Variants in TSBP1 observed in about 807,000 individuals in gnomAD.
TSBP1 encodes testis expressed basic protein 1.
In TSBP1, 56 loss-of-function variants were observed where a neutral mutation model predicts 68.8. The ratio of observed to expected loss-of-function variants is 0.81; its 90% CI spans 0.66 to 1.02. The LOEUF (loss-of-function observed/expected upper bound fraction) is 1.02, where lower values mean the gene tolerates loss of function less well. Among genes scored for constraint, TSBP1 ranks in the 50% least tolerant of loss-of-function variants. The pLI, the probability that TSBP1 is intolerant of heterozygous loss-of-function variation, is 0.00. For synonymous variants in TSBP1, 171 were observed against 208.7 expected, an observed-to-expected ratio of 0.82 and a Z score of 1.56; for missense variants, 502 against 641.2, an observed-to-expected ratio of 0.78 and a Z score of 2.34.
At position 32,337,079 on chromosome 6, in the gene TSBP1, A is replaced by T. The variant is rs1272058941; in HGVS notation, c.410-444T>A. On this transcript the variant is annotated intron_variant, in intron 11 of 22. Transcript: ENST00000612031. This position sits in a 1 kb window ranked among gnomAD's most constrained non-coding sequence, Gnocchi z 5.5. ...TATATCCTACAGAAGGCCAAAGAAC[A>T]TTAGAGGAAACAGAAAAGGAACTCA... Among the ~76,000 whole-genome samples, 1 of 152,164 alleles carries T rather than the reference A, an allele frequency of 6.6e-6. No homozygotes were observed. The highest frequency in any genetic ancestry group is 1.9e-4 in the East Asian group (1 of 5,194).
intron 19 of TSBP1, among the ~76,000 whole-genome samples, chr6:32,303,491 C>G (rs574021129): frequency 6.3e-5 from 9 of 142,780 alleles, no homozygotes; most frequent in African/African-American, 2.3e-4. Context: ...GCCACATCTG[C>G]CTTTTTTTTT....
rs1318619596 is a variant in TSBP1, at chr6:32,360,193, AC to A, written c.218-4525del. 7.9e-5 allele frequency among the ~76,000 whole-genome samples: 12 copies of A among 151,570 alleles called. No individual in the cohort carries two copies. In the East Asian group the frequency reaches 2.3e-3, roughly 29 times the overall value. The stretch of plus-strand genomic sequence containing the variant: ...TGGCCAACTTCTGCCCATTTCTTCC[AC>A]CCCCTAACTTCTGGTAATCACCTTT... On this transcript the variant is annotated intron_variant, in intron 6 of 22. Coordinates refer to ENST00000612031, the Ensembl canonical transcript of TSBP1.
chr6:32,310,761 A>ATATTTTTTT, intron 19 of TSBP1, among the ~76,000 whole-genome samples: 3 of 144,806 alleles, frequency 2.1e-5, no homozygotes, highest in Non-Finnish European at 3.0e-5. Flanking sequence ...ATATATATAT[A>ATATTTTTTT]TTTTTAATCT....
chr6:32,365,060 AT>A lies in TSBP1; in HGVS notation c.217+1106del, dbSNP rs140033884. On this transcript the variant is annotated intron_variant, in intron 6 of 22. Coordinates refer to ENST00000612031, the Ensembl canonical transcript of TSBP1. The surrounding 1 kb of genome is among the most constrained non-coding windows in gnomAD (Gnocchi z 4.3). ...AGGTGTGCACCGCCACATCCAACTG[AT>A]TTTTTTTTTTTTTAGAGACGGAGTC... Among the ~76,000 whole-genome samples, 37 of 145,454 alleles carry A rather than the reference AT, an allele frequency of 2.5e-4. No homozygotes were observed. Among genetic ancestry groups the A allele is most frequent in the Non-Finnish European group, 2.9e-4 (19 of 66,488 alleles).
Position 32,325,721 on chromosome 6 carries a change from A to G in TSBP1, c.515-2107T>C. The G allele has an allele frequency of 9.5e-7, 1 of 1,056,880 alleles. No individual in the cohort carries two copies. Among genetic ancestry groups the G allele is most frequent in the East Asian group, 2.4e-5 (1 of 42,384 alleles). The allele number at this position is 1,056,880 out of a possible 1,614,324, so 65.5% of individuals were successfully genotyped here. ...TAAGACTGTCATTCAGAAATACCAC[A>G]GTGTGAATGGCCACAACTGTGAAGT... On this transcript the variant is annotated intron_variant, in intron 16 of 22. Transcript: ENST00000612031. This position sits in a 1 kb window ranked among gnomAD's most constrained non-coding sequence, Gnocchi z 4.4.
intron 7 of TSBP1, 74 bp downstream of exon 7, chr6:32,355,575 C>T: frequency 1.9e-6 from 3 of 1,559,192 alleles, no homozygotes; most frequent in Non-Finnish European, 2.6e-6. Flanking sequence ...TCTCTTTCCT[C>T]CAAAGCATTT....
At chr6:32,366,973 G>A (rs1773814393) in intron 4 of TSBP1, among the ~76,000 whole-genome samples, 1 of 152,042 alleles carries the variant, frequency 6.6e-6, no homozygotes, top group Non-Finnish European at 1.5e-5. Flanking sequence ...GTCCAAGTGT[G>A]GGGCATGGAC....
intron 7 of TSBP1, 29 bp downstream of exon 7, chr6:32,355,620 T>C (rs1006745215): frequency 1.9e-6 from 3 of 1,590,768 alleles, no homozygotes; most frequent in Non-Finnish European, 2.6e-6. Flanking sequence ...AGGAAGCAAA[T>C]TTTTGTTAAG....
chr6:32,312,354 G>A (rs562466022), intron 19 of TSBP1, among the ~76,000 whole-genome samples: 1 of 152,260 alleles, frequency 6.6e-6, no homozygotes, highest in Non-Finnish European at 1.5e-5. Context: ...GAGTGGACAG[G>A]AAGGGGAAGC....
rs1424883721 is a variant in TSBP1 at position 32,357,995 on chromosome 6, C to A, written c.218-2326G>T. ...AAGGAACACCTTTTCCTAATATGCA[C>A]CAAAGCAACCTGTAGGCTACTGGAG... is the stretch of plus-strand genomic sequence containing the variant. On this transcript the variant is annotated intron_variant, in intron 6 of 22. Coordinates refer to ENST00000612031, the Ensembl canonical transcript of TSBP1. This position sits in a 1 kb window ranked among gnomAD's most constrained non-coding sequence, Gnocchi z 4.7. Among the ~76,000 whole-genome samples, 1 of 152,134 alleles carries A rather than the reference C, an allele frequency of 6.6e-6. No individual in the cohort carries two copies. The highest frequency in any genetic ancestry group is 1.5e-5 in the Non-Finnish European group (1 of 68,030).
At chr6:32,351,694 T>G (rs1771737419) in intron 8 of TSBP1, among the ~76,000 whole-genome samples, 1 of 152,138 alleles carries the variant, frequency 6.6e-6, no homozygotes, top group African/African-American at 2.4e-5. Context: ...AACTCTTGAA[T>G]GTTTATGAGT....
intron 3 of TSBP1, among the ~76,000 whole-genome samples, chr6:32,368,224 C>T (rs572194516): frequency 1.3e-5 from 2 of 152,318 alleles, no homozygotes; most frequent in Admixed American, 6.5e-5. Context: ...GATACTTCAG[C>T]AGCTAGTCTC....
intron 9 of TSBP1, among the ~76,000 whole-genome samples, chr6:32,344,328 A>G (rs1399879743): frequency 1.6e-5 from 2 of 128,860 alleles, no homozygotes; most frequent in Non-Finnish European, 3.1e-5. Context: ...TCTTCTGCTC[A>G]ACTTTTATGA....
chr6:32,326,271 G>A (rs1275605173), intron 16 of TSBP1: 14 of 784,048 alleles, frequency 1.8e-5, no homozygotes, highest in Admixed American at 4.0e-5. Context: ...CAAGCACAGT[G>A]GTGGCAGGGC....
chr6:32,301,963 ATCATC>A (rs772945018), intron 20 of TSBP1, among the ~76,000 whole-genome samples: 16,310 of 113,508 alleles, frequency 0.14, 1,167 homozygotes, highest in South Asian at 0.27. Context: ...AGTTGAAATC[ATCATC>A]ATAATAATAA....
intron 2 of TSBP1, 60 bp from the exon 3 acceptor site, chr6:32,368,874 G>A: frequency 1.2e-5 from 18 of 1,546,638 alleles, no homozygotes; most frequent in Non-Finnish European, 1.4e-5. Context: ...TTCTTCCTCT[G>A]ATCAAACTCT....
intron 22 of TSBP1, among the ~76,000 whole-genome samples, chr6:32,294,782 T>A (rs1359623193): frequency 6.6e-6 from 1 of 152,210 alleles, no homozygotes; most frequent in Non-Finnish European, 1.5e-5. Flanking sequence ...GGTCCTTTGA[T>A]CATGTTCAGG....
At chr6:32,310,761 A>ATATATTTTTTTT in intron 19 of TSBP1, among the ~76,000 whole-genome samples, 6 of 144,806 alleles carry the variant, frequency 4.1e-5, no homozygotes, top group Non-Finnish European at 6.0e-5. Context: ...ATATATATAT[A>ATATATTTTTTTT]TTTTTAATCT....
chr6:32,324,616 G>A (rs201999395), intron 16 of TSBP1: 11 of 1,205,266 alleles, frequency 9.1e-6, no homozygotes, highest in Non-Finnish European at 1.2e-5. Flanking sequence ...ACTAGAGACC[G>A]AGTCCTAAAG....
Sources: allele counts gnomAD v4.1 joint callset (sites outside exome capture counted in the v4.1 genomes callset), GRCh38; gene constraint gnomAD v4.1.1; non-coding constraint Gnocchi (gnomAD v3.1); transcripts MANE v1.5; gene names NCBI Gene and HGNC (gene_info 2026-07-23, HGNC 2026-07-21).